NCK1: variants seen among roughly 807,000 people sequenced by gnomAD.
NCK1 encodes the protein NCK adaptor protein 1.
Under a neutral mutation model 36.6 loss-of-function variants are expected in NCK1, and 19 were observed. The ratio of observed to expected loss-of-function variants is 0.52; its 90% CI spans 0.36 to 0.76. The LOEUF (loss-of-function observed/expected upper bound fraction) is 0.76. Ranked by LOEUF, NCK1 falls within the 30% of genes least tolerant of loss-of-function variation. NCK1 has a pLI of 0.00. For synonymous variants in NCK1, 165 were observed against 156.0 expected (o/e 1.06, Z -0.43); for missense variants, 358 against 445.6 (o/e 0.80, Z 1.77).
chr3:136,917,453 T>C (rs989277319), intron 1 of NCK1, among the ~76,000 whole-genome samples: 1 of 152,230 alleles, frequency 6.6e-6, no homozygotes, highest in Non-Finnish European at 1.5e-5. Flanking sequence ...TAAAGTTGTT[T>C]TAACCTTCAC....
chr3:136,907,030 A>G (rs1939704850), intron 1 of NCK1, among the ~76,000 whole-genome samples: 1 of 152,138 alleles, frequency 6.6e-6, no homozygotes, highest in Admixed American at 6.5e-5. Flanking sequence ...TCTGGTGGCA[A>G]CAGCAGGGCT....
chr3:136,906,877 G>A (rs1939700863), intron 1 of NCK1, among the ~76,000 whole-genome samples: 3 of 152,092 alleles, frequency 2.0e-5, no homozygotes, highest in South Asian at 2.1e-4. Flanking sequence ...CTAGGTGATC[G>A]CCAGGCCCAC....
intron 1 of NCK1, among the ~76,000 whole-genome samples, chr3:136,904,368 G>T (rs1379232331): frequency 6.6e-6 from 1 of 152,082 alleles, no homozygotes; most frequent in Non-Finnish European, 1.5e-5. Context: ...GGCCAGGCTG[G>T]TCTTGAACTC....
At chr3:136,939,858 TTTTTA>T (rs747788921) in intron 2 of NCK1, among the ~76,000 whole-genome samples, 861 of 72,288 alleles carry the variant, frequency 0.012, 25 homozygotes, top group African/African-American at 0.031. Flanking sequence ...TTTTTTTTTT[TTTTTA>T]AAATAGAGAC....
At chr3:136,942,758 C>A (rs1358360043) in intron 2 of NCK1, among the ~76,000 whole-genome samples, 1 of 152,172 alleles carries the variant, frequency 6.6e-6, no homozygotes, top group Admixed American at 6.6e-5. Context: ...CCCTTTCTGT[C>A]CAGGCTTTTC....
At chr3:136,886,756 A>G (rs1014393410) in intron 1 of NCK1, among the ~76,000 whole-genome samples, 2 of 149,688 alleles carry the variant, frequency 1.3e-5, no homozygotes, top group Admixed American at 6.6e-5. Context: ...TTTTTTGTTT[A>G]GGGAACTTTA....
chr3:136,877,728 A>G (rs1246863786), intron 1 of NCK1, among the ~76,000 whole-genome samples: 1 of 152,206 alleles, frequency 6.6e-6, no homozygotes, highest in African/African-American at 2.4e-5. Context: ...GAAACTTCTT[A>G]GTGGACTTAA....
chr3:136,869,013 G>A (rs1319700378), intron 1 of NCK1, among the ~76,000 whole-genome samples: 2 of 152,006 alleles, frequency 1.3e-5, no homozygotes, highest in African/African-American at 2.4e-5. Context: ...TGAGGCATGC[G>A]GAGCCCCTGA....
rs140764766 is a variant in NCK1, at chr3:136,946,752, C to T, written c.939+457C>T. Among the ~76,000 whole-genome samples, 436 of 152,258 alleles carry T rather than the reference C, an allele frequency of 2.9e-3. 3 individuals carry two copies. Among genetic ancestry groups the T allele is most frequent in the African/African-American group, 0.01 (417 of 41,566 alleles). ...TTAAAAAATTGATATTAAGTTTCTT[C>T]ATAAATTGGTTACTTGGAAATTGGA... On this transcript the variant is annotated intron_variant, in intron 3 of 3. Coordinates refer to ENST00000481752, the MANE Select transcript of NCK1 (RefSeq NM_001291999.2).
chr3:136,909,474 G>C (rs1013376947), intron 1 of NCK1, among the ~76,000 whole-genome samples: 4 of 152,144 alleles, frequency 2.6e-5, no homozygotes, highest in Non-Finnish European at 5.9e-5. Context: ...CTAAGAGCTT[G>C]CTCTGAGAGA....
intron 1 of NCK1, among the ~76,000 whole-genome samples, chr3:136,862,933 C>G (rs112330514): frequency 3.3e-5 from 5 of 149,428 alleles, no homozygotes; most frequent in African/African-American, 1.2e-4. Flanking sequence ...CAGATTCGTA[C>G]GCGAGTTGCT....
intron 2 of NCK1, among the ~76,000 whole-genome samples, chr3:136,932,427 G>A (rs529933220): frequency 2.8e-4 from 43 of 152,154 alleles, no homozygotes; most frequent in African/African-American, 9.6e-4. Context: ...TTTTTGTGTG[G>A]CAGCCAGAGT....
intron 1 of NCK1, among the ~76,000 whole-genome samples, chr3:136,865,537 TAATG>T (rs1938389561): frequency 1.3e-5 from 2 of 152,242 alleles, no homozygotes; most frequent in South Asian, 2.1e-4. Flanking sequence ...AGACTTGACT[TAATG>T]AATACAGATA....
chr3:136,902,463 A>G (rs1381956735), intron 1 of NCK1, among the ~76,000 whole-genome samples: 2 of 152,178 alleles, frequency 1.3e-5, no homozygotes, highest in Non-Finnish European at 2.9e-5. Context: ...CCAGAGTGCT[A>G]AGATTACAGG....
chr3:136,924,202 A>G (rs1376352493), intron 1 of NCK1, among the ~76,000 whole-genome samples: 1 of 152,230 alleles, frequency 6.6e-6, no homozygotes, highest in Non-Finnish European at 1.5e-5. Flanking sequence ...TGTGCCTCCT[A>G]ATAAATGGCA....
chr3:136,938,385 C>A (rs1411946903), intron 2 of NCK1, among the ~76,000 whole-genome samples: 1 of 152,130 alleles, frequency 6.6e-6, no homozygotes, highest in Non-Finnish European at 1.5e-5. Context: ...TTGATAATTG[C>A]AGTGTTTTGT....
chr3:136,919,147 C>G (rs1406646540), intron 1 of NCK1, among the ~76,000 whole-genome samples: 1 of 152,012 alleles, frequency 6.6e-6, no homozygotes, highest in African/African-American at 2.4e-5. Context: ...TACATAGGGA[C>G]AGAAAATAGA....
At position 136,949,734 on chromosome 3, in the gene NCK1, C is replaced by T. The variant is rs1042118463; in HGVS notation, c.*1281C>T. On this transcript the variant is annotated 3_prime_UTR_variant, in exon 4 of 4. Transcript: ENST00000481752. ...GTCGTATGATACTTTCAACAAATTC[C>T]CTAATGCTGCCTAAGCATATGGATG... is the stretch of plus-strand genomic sequence containing the variant. The T allele has an allele frequency of 6.6e-6, 1 of 151,906 alleles. No individual in the cohort carries two copies. Among genetic ancestry groups the T allele is most frequent in the African/African-American group, 2.4e-5 (1 of 41,386 alleles). 9.4% of individuals were successfully genotyped at this position (151,906 alleles called of 1,614,324 possible).
At chr3:136,947,219 G>A (rs1940853272) in intron 3 of NCK1, among the ~76,000 whole-genome samples, 1 of 152,172 alleles carries the variant, frequency 6.6e-6, no homozygotes, top group South Asian at 2.1e-4. Context: ...TGGCAGTAGG[G>A]AAGAGTGATG....
Sources: gnomAD v4.1 joint callset for allele counts (sites outside exome capture counted in the v4.1 genomes callset) on GRCh38, gnomAD v4.1.1 for gene constraint, MANE v1.5 for transcripts, NCBI Gene and HGNC (gene_info 2026-07-23, HGNC 2026-07-21) for gene names.